The following C2 variants were observed in gnomAD, a reference collection of about 807,000 sequenced individuals.
C2 encodes complement C2, also known as C3/C5 convertase.
A neutral mutation model predicts 85.2 loss-of-function variants in C2; 64 were observed. The ratio of observed to expected loss-of-function variants is 0.75; its 90% CI spans 0.61 to 0.92. The LOEUF is 0.92. C2 is among the 40% of genes least tolerant of loss of function. The pLI is 0.00. For synonymous variants in C2, 311 were observed against 370.8 expected (o/e 0.84, Z 1.85); for missense variants, 820 against 971.6 (o/e 0.84, Z 2.07).
Position 31,927,837 on chromosome 6 carries a change from G to T in C2, c.46+39G>T, listed in dbSNP as rs1417859628. 1.9e-6 allele frequency: 3 copies of T among 1,603,986 alleles called. No homozygotes were observed. The highest frequency in any genetic ancestry group is 2.7e-5 in the African/African-American group (2 of 74,684). On this transcript the variant is annotated intron_variant, in intron 1 of 17. Coordinates refer to ENST00000299367, the MANE Select transcript of C2 (RefSeq NM_000063.6). The surrounding 1 kb of genome is among the most constrained non-coding windows in gnomAD (Gnocchi z 4.7). ...AAGGGGGAACGTCAGGGTCCTGTGT[G>T]TGAGGTTGGTGCTCCCAGCTTGAAT...
chr6:31,899,841 C>T, upstream of C2: 2 of 1,420,322 alleles, frequency 1.4e-6, no homozygotes, highest in East Asian at 2.3e-5. Flanking sequence ...CCCCAGACCC[C>T]CCACCCCCCA....
In C2 at chr6:31,935,893, T is replaced by C; in HGVS notation, c.850-30T>C. ...CATCTCCCCTTTGGCTTCAGGGCCCTTTACGCTGCCTCTCACTTGCCCCGC... is the reference window on the plus strand; with the variant it reads ...CATCTCCCCTTTGGCTTCAGGGCCCCTTACGCTGCCTCTCACTTGCCCCGC... On this transcript the variant is annotated intron_variant, in intron 6 of 17. Coordinates refer to ENST00000299367, the MANE Select transcript of C2 (RefSeq NM_000063.6). This position sits in a 1 kb window ranked among gnomAD's most constrained non-coding sequence, Gnocchi z 4.3. 1 of 1,612,266 alleles carries C rather than the reference T, an allele frequency of 6.2e-7. No individual in the cohort carries two copies. Among genetic ancestry groups the C allele is most frequent in the Non-Finnish European group, 8.5e-7 (1 of 1,179,900 alleles).
chr6:31,943,653 A>G lies in C2; in HGVS notation c.1577A>G (p.Lys526Arg), dbSNP rs146054348. ...AGTGTATCATTTCCAGGAGACCCCA[A>G]ATCCCAGTGGGGCAAAGAATTCCTT... ...SLWRVNVGDPKSQWGKEFLIE... is the reference protein window; with the variant it reads ...SLWRVNVGDPRSQWGKEFLIE... Residue 526 changes from lysine (K) to arginine (R), a missense_variant, in exon 13 of 18, where the codon AAA becomes AGA. Transcript: ENST00000299367. This position sits in a 1 kb window ranked among gnomAD's most constrained non-coding sequence, Gnocchi z 6.4. 296 of 1,612,934 alleles carry G rather than the reference A, an allele frequency of 1.8e-4. No homozygotes were observed. Among genetic ancestry groups the G allele is most frequent in the Middle Eastern group, 9.9e-4 (6 of 6,084 alleles).
intron 3 of C2, among the ~76,000 whole-genome samples, chr6:31,931,307 A>G (rs1287209739): frequency 7.1e-6 from 1 of 140,304 alleles, no homozygotes; most frequent in Non-Finnish European, 1.5e-5. Context: ...GGTGTTTCTC[A>G]CAGAGGGGGA....
At chr6:31,914,276 GCCTCAA>G (rs1768330348) in intron 1 of C2, among the ~76,000 whole-genome samples, 1 of 151,640 alleles carries the variant, frequency 6.6e-6, no homozygotes, top group Admixed American at 6.6e-5. Flanking sequence ...AAGGAATTCT[GCCTCAA>G]GACTGTCACA....
At chr6:31,934,601 C>T in intron 6 of C2, 1 of 1,411,344 alleles carries the variant, frequency 7.1e-7, no homozygotes, top group Non-Finnish European at 9.2e-7. Context: ...TGAGATAACC[C>T]ACAGGAGTGA....
At chr6:31,939,709 T>C (rs1338827995) in intron 9 of C2, among the ~76,000 whole-genome samples, 1 of 151,998 alleles carries the variant, frequency 6.6e-6, no homozygotes, top group Non-Finnish European at 1.5e-5. Context: ...CAACTCAGCT[T>C]CCCAAAGTGG....
chr6:31,912,290 A>T (rs1035204095), intron 1 of C2, among the ~76,000 whole-genome samples: 1 of 152,222 alleles, frequency 6.6e-6, no homozygotes, highest in Non-Finnish European at 1.5e-5. Context: ...AAAGGCTTCA[A>T]ATTTAATGGA....
rs1342911575 is a variant in C2, at chr6:31,944,680, C to T, written c.1903-47C>T. On this transcript the variant is annotated intron_variant, in intron 15 of 17. Transcript: ENST00000299367. The surrounding 1 kb of genome is among the most constrained non-coding windows in gnomAD (Gnocchi z 5.1). Reference sequence around the variant, plus strand: ...ACAGGCGTGAGCCACTGCACCCACCCGGGTCTGCTTATTCTACCCTTCTCT... The same window carrying T: ...ACAGGCGTGAGCCACTGCACCCACCTGGGTCTGCTTATTCTACCCTTCTCT... 8 of 1,610,936 alleles carry T rather than the reference C, an allele frequency of 5.0e-6. No individual in the cohort carries two copies. The highest frequency in any genetic ancestry group is 1.7e-5 in the Admixed American group (1 of 60,000).
At chr6:31,931,490 A>C (rs1427550632) in intron 3 of C2, among the ~76,000 whole-genome samples, 6 of 151,566 alleles carry the variant, frequency 4.0e-5, no homozygotes, top group Admixed American at 6.6e-5. Context: ...GCCTTCAAGC[A>C]TCTGTTTAAC....
In C2 at chr6:31,937,426, G is replaced by A. The variant is rs139113913; in HGVS notation, c.1096G>A (p.Glu366Lys). 1.2e-6 allele frequency: 2 copies of A among 1,612,830 alleles called. No individual in the cohort carries two copies. Among genetic ancestry groups the A allele is most frequent in the Non-Finnish European group, 8.5e-7 (1 of 1,179,996 alleles). Residue 366 changes from glutamate to lysine, a missense_variant, in exon 8 of 18, where the codon GAA (glutamate) becomes AAA (lysine). Glu to Lys is a moderately conservative substitution (Grantham distance 56). Transcript: ENST00000299367. ...LLGMETMAWQ[E>K]IRHAIILLTD... ...CGGCATGGAAACGATGGCCTGGCAG[G>A]AAATCCGACATGCCATCATCCTTCT... is the stretch of plus-strand genomic sequence containing the variant.
rs545872709 is a variant in C2, at chr6:31,927,843, T to C, written c.46+45T>C. On this transcript the variant is annotated intron_variant, in intron 1 of 17. Coordinates refer to ENST00000299367, the MANE Select transcript of C2 (RefSeq NM_000063.6). The surrounding 1 kb of genome is among the most constrained non-coding windows in gnomAD (Gnocchi z 4.7). Reference sequence around the variant, plus strand: ...GAACGTCAGGGTCCTGTGTGTGAGGTTGGTGCTCCCAGCTTGAATTCCCAT... The same window carrying C: ...GAACGTCAGGGTCCTGTGTGTGAGGCTGGTGCTCCCAGCTTGAATTCCCAT... 4 of 1,602,072 alleles carry C rather than the reference T, an allele frequency of 2.5e-6. No individual in the cohort carries two copies. The East Asian group carries it at 6.7e-5, about 27-fold the overall frequency.
chr6:31,939,045 T>A (rs1195157285), intron 8 of C2, among the ~76,000 whole-genome samples, 186 bp from the exon 9 acceptor site: 1 of 152,200 alleles, frequency 6.6e-6, no homozygotes, highest in African/African-American at 2.4e-5. Context: ...GCAATCCGCC[T>A]TCTTCGGTCT....
intron 1 of C2, among the ~76,000 whole-genome samples, chr6:31,901,483 CCT>C (rs1237247382): frequency 6.6e-6 from 1 of 151,978 alleles, no homozygotes; most frequent in Non-Finnish European, 1.5e-5. Flanking sequence ...AGGTGCTGTC[CCT>C]CTGAGAGGAG....
Position 31,943,881 on chromosome 6 carries a change from G to C in C2, c.1734-36G>C. ...CTGGAGATCCCTGGAAGAGATACTG[G>C]GGACAGGCTGGTGTGACCCTTGCTC... On this transcript the variant is annotated intron_variant, in intron 13 of 17. Coordinates refer to ENST00000299367, the MANE Select transcript of C2 (RefSeq NM_000063.6). This position sits in a 1 kb window ranked among gnomAD's most constrained non-coding sequence, Gnocchi z 6.4. 1 of 1,612,026 alleles carries C rather than the reference G, an allele frequency of 6.2e-7. No individual in the cohort carries two copies. The highest frequency in any genetic ancestry group is 2.2e-5 in the East Asian group (1 of 44,886).
intron 7 of C2, 26 bp from the exon 8 acceptor site, chr6:31,937,293 G>A (rs1345465345): frequency 1.9e-6 from 3 of 1,611,742 alleles, no homozygotes; most frequent in African/African-American, 1.3e-5. Context: ...GTTTCTAAGA[G>A]AGTCCTTCCT....
chr6:31,917,961 A>G (rs1768670067), upstream of C2, among the ~76,000 whole-genome samples: 1 of 152,068 alleles, frequency 6.6e-6, no homozygotes, highest in Non-Finnish European at 1.5e-5. Flanking sequence ...CTGAAAAAAG[A>G]AAAAAGAGAA....
chr6:31,921,092 T>G lies in C2; in HGVS notation c.-100+1066T>G, dbSNP rs511294. On this transcript the variant is annotated intron_variant, in intron 1 of 3. Transcript: ENST00000413154. This position sits in a 1 kb window ranked among gnomAD's most constrained non-coding sequence, Gnocchi z 4.6. ...GCCTGCTAGGATGGGGGATGGTGTG[T>G]GTACCGAGGAACTTAGCAGAGGCCT... Among the ~76,000 whole-genome samples, 10,933 of 152,222 alleles carry G rather than the reference T, an allele frequency of 0.072. 417 individuals carry two copies. The highest frequency in any genetic ancestry group is 0.11 in the African/African-American group (4,443 of 41,514).
Position 31,928,050 on chromosome 6 carries a change from A to G in C2, c.142A>G (p.Thr48Ala). The G allele has an allele frequency of 6.2e-7, 1 of 1,613,326 alleles. No individual in the cohort carries two copies. Among genetic ancestry groups the G allele is most frequent in the African/African-American group, 1.3e-5 (1 of 74,734 alleles). The change falls in exon 2 of 18, where the codon ACC (threonine) becomes GCC (alanine). Residue 48 changes from threonine to alanine, a missense_variant. By Grantham distance (58) the Thr-to-Ala change is moderately conservative (BLOSUM62 0). Transcript: ENST00000299367. The part of the protein sequence containing the change: ...SHGWAPGSLL[T>A]YSCPQGLYPS... ...TGGCTGGGCTCCTGGGAGCCTTCTC[A>G]CCTACTCCTGCCCCCAGGGCCTGTA...
Sources: allele counts gnomAD v4.1 joint callset (sites outside exome capture counted in the v4.1 genomes callset), GRCh38; gene constraint gnomAD v4.1.1; non-coding constraint Gnocchi (gnomAD v3.1); transcripts MANE v1.5; gene names NCBI Gene and HGNC (gene_info 2026-07-23, HGNC 2026-07-21).